Variants in LZTS1 observed in about 807,000 individuals in gnomAD.
The protein encoded by LZTS1 is leucine zipper tumor suppressor 1, also known as leucine zipper putative tumor suppressor 1.
In LZTS1, 31 loss-of-function variants were observed where a neutral mutation model predicts 45.8. The ratio of observed to expected loss-of-function variants is 0.68; its 90% CI spans 0.51 to 0.91. The LOEUF (loss-of-function observed/expected upper bound fraction) is 0.91. Ranked by LOEUF, LZTS1 falls within the 40% of genes least tolerant of loss-of-function variation. The pLI is 0.00. For missense variants in LZTS1, 821 were observed against 788.9 expected (o/e 1.04, Z -0.49); for synonymous variants, 359 against 357.3 (o/e 1.00, Z -0.05).
chr8:20,291,964 G>C (rs76623646), intron 1 of LZTS1, among the ~76,000 whole-genome samples: 4,409 of 152,308 alleles, frequency 0.029, 231 homozygotes, highest in African/African-American at 0.1. Context: ...TGCCAGCCAG[G>C]TGAGGGTGAG....
At chr8:20,267,129 A>G (rs1193836188) in intron 1 of LZTS1, among the ~76,000 whole-genome samples, 6 of 123,054 alleles carry the variant, frequency 4.9e-5, no homozygotes, top group Admixed American at 1.8e-4. Context: ...AAAAGAAAAG[A>G]AAAAAAAAGA....
chr8:20,252,678 T>G, intron 3 of LZTS1, 104 bp downstream of exon 3: 1 of 1,030,612 alleles, frequency 9.7e-7, no homozygotes, highest in Admixed American at 2.7e-5. Flanking sequence ...CCCGCTTGCC[T>G]GCGCGGTCTG....
chr8:20,300,721 C>A (rs1801061134), intron 1 of LZTS1, among the ~76,000 whole-genome samples: 1 of 152,072 alleles, frequency 6.6e-6, no homozygotes, highest in African/African-American at 2.4e-5. Flanking sequence ...GAGTAAATGC[C>A]ATAATATACT....
At chr8:20,296,926 C>G (rs923120708) in intron 1 of LZTS1, among the ~76,000 whole-genome samples, 1 of 152,194 alleles carries the variant, frequency 6.6e-6, no homozygotes, top group African/African-American at 2.4e-5. Flanking sequence ...AAAATCACCT[C>G]TCTGCTGGAT....
At chr8:20,257,986 A>T (rs60456527) in intron 1 of LZTS1, among the ~76,000 whole-genome samples, 2 of 136,678 alleles carry the variant, frequency 1.5e-5, no homozygotes, top group South Asian at 2.4e-4. Flanking sequence ...TTTTTTTTTT[A>T]AAGTAATAGG....
intron 1 of LZTS1, among the ~76,000 whole-genome samples, chr8:20,287,474 T>A (rs62499993): frequency 0.34 from 52,399 of 152,082 alleles, 9,229 homozygotes; most frequent in African/African-American, 0.41. Flanking sequence ...CAACTCTCTT[T>A]CCCTTCCTGG....
chr8:20,294,876 G>T (rs1800956333), intron 1 of LZTS1, among the ~76,000 whole-genome samples: 2 of 151,898 alleles, frequency 1.3e-5, no homozygotes, highest in African/African-American at 4.8e-5. Flanking sequence ...TCTCTGGAAG[G>T]TCAAGGGCAG....
chr8:20,258,755 AT>A (rs1800163267), intron 1 of LZTS1, among the ~76,000 whole-genome samples: 2 of 152,218 alleles, frequency 1.3e-5, no homozygotes, highest in Non-Finnish European at 2.9e-5. Context: ...TGTTATCGGT[AT>A]CTGTTACTTA....
Position 20,253,442 on chromosome 8 carries a change from C to T in LZTS1, c.489G>A (p.Lys163=). The T allele has an allele frequency of 6.2e-7, 1 of 1,611,694 alleles. No individual in the cohort carries two copies. The highest frequency in any genetic ancestry group is 1.1e-5 in the South Asian group (1 of 90,780). The change falls in exon 3 of 4, where the codon AAG becomes AAA. Residue 163 remains lysine (K), a synonymous_variant. Coordinates refer to ENST00000381569, the MANE Select transcript of LZTS1 (RefSeq NM_021020.5). ...ACAGCGCCCCAGAGCACAGGCCAGG[C>T]TTCAGCTCCTGCTCCTTGGGCTTGT... ...PPDKPKEQEL[K]PGLCSGALSD...
At chr8:20,288,770 C>G (rs1273388673) in intron 1 of LZTS1, among the ~76,000 whole-genome samples, 1 of 152,112 alleles carries the variant, frequency 6.6e-6, no homozygotes, top group African/African-American at 2.4e-5. Flanking sequence ...CCAACCTGCC[C>G]CTCCTCTGCC....
At position 20,255,082 on chromosome 8, in the gene LZTS1, G is replaced by A; in HGVS notation, c.100C>T (p.Leu34Phe). The A allele has an allele frequency of 6.2e-7, 1 of 1,614,216 alleles. No individual in the cohort carries two copies. Among genetic ancestry groups the A allele is most frequent in the Non-Finnish European group, 8.5e-7 (1 of 1,180,044 alleles). ...KLRKSSHLKK[L>F]NRYSDGLLRF... ...AGCAGCCCGTCGGAATACCGGTTGA[G>A]CTTCTTGAGGTGGGAGGACTTGCGC... is the stretch of plus-strand genomic sequence containing the variant. The change falls in exon 2 of 4, where the codon CTC becomes TTC. Residue 34 changes from leucine (L) to phenylalanine (F), a missense_variant. Coordinates refer to ENST00000381569, the MANE Select transcript of LZTS1 (RefSeq NM_021020.5).
intron 1 of LZTS1, among the ~76,000 whole-genome samples, chr8:20,290,658 C>T (rs1315903660): frequency 2.0e-5 from 3 of 152,222 alleles, no homozygotes; most frequent in Admixed American, 1.3e-4. Flanking sequence ...CTATGTGAGA[C>T]TCAGCCGGAT....
rs1316160783 is a variant in LZTS1, at chr8:20,303,762, A to G, written c.-157T>C. 1 of 981,068 alleles carries G rather than the reference A, an allele frequency of 1.0e-6. No homozygotes were observed. Among genetic ancestry groups the G allele is most frequent in the Non-Finnish European group, 1.2e-6 (1 of 829,496 alleles). The allele number at this position is 981,068 out of a possible 1,614,324, so 60.8% of individuals were successfully genotyped here. On this transcript the variant is annotated 5_prime_UTR_variant, in exon 1 of 4. Transcript: ENST00000381569. ...TACCTGCCCCCTGCGCCTCGGGCGC[A>G]CTTGAGACTTTTTTTTTTTCCCAGT...
chr8:20,265,261 C>A (rs1800323863), intron 1 of LZTS1, among the ~76,000 whole-genome samples: 1 of 152,174 alleles, frequency 6.6e-6, no homozygotes. Context: ...ATCTGTGCAA[C>A]CTGGAGCACT....
chr8:20,265,335 A>T (rs2128895024), intron 1 of LZTS1, among the ~76,000 whole-genome samples: 1 of 152,184 alleles, frequency 6.6e-6, no homozygotes, highest in Admixed American at 6.5e-5. Flanking sequence ...CATCGTGTTG[A>T]CTGCAGAGAA....
chr8:20,290,901 T>G (rs1366622155), intron 1 of LZTS1, among the ~76,000 whole-genome samples: 5 of 152,312 alleles, frequency 3.3e-5, no homozygotes, highest in Admixed American at 3.3e-4. Context: ...CTCCCTCCCC[T>G]AAAGTCTGTC....
chr8:20,252,718 G>A, intron 3 of LZTS1, 64 bp downstream of exon 3: 2 of 1,413,634 alleles, frequency 1.4e-6, no homozygotes, highest in Non-Finnish European at 1.9e-6. Context: ...GGCACCAGAA[G>A]GAGAGGGGGG....
At chr8:20,300,373 CCCAG>C in intron 1 of LZTS1, among the ~76,000 whole-genome samples, 1 of 152,120 alleles carries the variant, frequency 6.6e-6, no homozygotes, top group African/African-American at 2.4e-5. Flanking sequence ...CTCTCTGTTG[CCCAG>C]ACTGGAGTGC....
chr8:20,258,477 G>A (rs1031805894), intron 1 of LZTS1, among the ~76,000 whole-genome samples: 4 of 152,160 alleles, frequency 2.6e-5, no homozygotes, highest in Non-Finnish European at 4.4e-5. Context: ...TTATCATCCT[G>A]AAGAATAAAG....
Sources: allele counts gnomAD v4.1 joint callset (sites outside exome capture counted in the v4.1 genomes callset), GRCh38; gene constraint gnomAD v4.1.1; transcripts MANE v1.5; gene names NCBI Gene and HGNC (gene_info 2026-07-23, HGNC 2026-07-21).